The following SEC23B variants were observed in gnomAD, a reference collection of about 807,000 sequenced individuals.
SEC23B encodes protein transport protein Sec23B.
Under a neutral mutation model 104.3 loss-of-function variants are expected in SEC23B, and 77 were observed. The ratio of observed to expected loss-of-function variants is 0.74; its 90% CI spans 0.61 to 0.89. The LOEUF (loss-of-function observed/expected upper bound fraction) is 0.89, where lower values mean the gene tolerates loss of function less well. SEC23B is among the 40% of genes least tolerant of loss of function. SEC23B has a pLI of 0.00. For synonymous variants in SEC23B, 338 were observed against 332.5 expected (o/e 1.02, Z -0.18); for missense variants, 885 against 949.4 (o/e 0.93, Z 0.89).
rs1555787279 is a variant in SEC23B at position 18,518,583 on chromosome 20, T to TTTTTTG, written c.366+2852_366+2853insGTTTTT. ...ATGGGCCTGTGAGGCTGGAAGGAGG[T>TTTTTTG]TTTTTTTTTTTTTTTTTTTTTTGTC... is the stretch of plus-strand genomic sequence containing the variant. On this transcript the variant is annotated intron_variant, in intron 4 of 19. Coordinates refer to ENST00000650089, the MANE Select transcript of SEC23B (RefSeq NM_006363.6). Among the ~76,000 whole-genome samples, 7 of 10,850 alleles carry TTTTTTG rather than the reference T, an allele frequency of 6.5e-4. 1 individual carries two copies. Among genetic ancestry groups the TTTTTTG allele is most frequent in the South Asian group, 4.5e-3 (1 of 220 alleles). The allele number at this position is 10,850 out of a possible 152,430, so 7.1% of individuals were successfully genotyped here. A position where few individuals can be genotyped will look rare whatever the true frequency, so the allele number is the denominator to read the frequency against.
At chr20:18,535,109 T>A (rs113323607) in intron 11 of SEC23B, among the ~76,000 whole-genome samples, 2 of 152,298 alleles carry the variant, frequency 1.3e-5, no homozygotes, top group African/African-American at 4.8e-5. Flanking sequence ...GATTTCACCT[T>A]AAGGGTCTTT....
chr20:18,517,025 A>G (rs6136397), intron 4 of SEC23B, among the ~76,000 whole-genome samples: 18,969 of 152,290 alleles, frequency 0.12, 1,287 homozygotes, highest in Admixed American at 0.18. Flanking sequence ...GAACATGAGC[A>G]TGCTCAAAAG....
rs1568619706 is a variant in SEC23B, at chr20:18,545,949, TC to T, written c.1666-5del. ...TTTGTTTGTTTTTTGGTATTTTCTT[TC>T]CATAGTGTCAAAAGTTTGGACAGTA... On this transcript the variant is annotated splice_region_variant and splice_polypyrimidine_tract_variant and intron_variant, in intron 14 of 19. Coordinates refer to ENST00000650089, the MANE Select transcript of SEC23B (RefSeq NM_006363.6). 1 of 1,523,120 alleles carries T rather than the reference TC, an allele frequency of 6.6e-7. No individual in the cohort carries two copies. The highest frequency in any genetic ancestry group is 9.1e-7 in the Non-Finnish European group (1 of 1,097,190). The allele number at this position is 1,523,120 out of a possible 1,614,324, so 94.4% of individuals were successfully genotyped here. A position where few individuals can be genotyped will look rare whatever the true frequency, so the allele number is the denominator to read the frequency against.
At position 18,551,008 on chromosome 20, in the gene SEC23B, T is replaced by C. The variant is rs961369555; in HGVS notation, c.1906-81T>C. ...TAGCCTTTGCTGTGGATACCAGGCA[T>C]GGGATCAGGGTCGGGTGGAAGTGGT... On this transcript the variant is annotated intron_variant, in intron 16 of 19. Transcript: ENST00000650089. The C allele has an allele frequency of 9.4e-6, 8 of 854,280 alleles. No homozygotes were observed. The Admixed American group carries it at 1.2e-4, about 13-fold the overall frequency. 52.9% of individuals were successfully genotyped at this position (854,280 alleles called of 1,614,324 possible). A position where few individuals can be genotyped will look rare whatever the true frequency, so the allele number is the denominator to read the frequency against.
Position 18,543,058 on chromosome 20 carries a change from A to T in SEC23B, c.1551A>T (p.Ala517=), listed in dbSNP as rs1425625064. Residue 517 remains alanine (A), a synonymous_variant, in exon 14 of 20, where the codon GCA becomes GCT. Coordinates refer to ENST00000650089, the MANE Select transcript of SEC23B (RefSeq NM_006363.6). ...AGAGTCAGCTCAGGCACATAGAAGC[A>T]GCATTTGACCAGGAGGCTGCGGCAG... ...DVQSQLRHIE[A]AFDQEAAAVL... 4 of 1,614,078 alleles carry T rather than the reference A, an allele frequency of 2.5e-6. No homozygotes were observed. The highest frequency in any genetic ancestry group is 1.3e-5 in the African/African-American group (1 of 74,926).
At chr20:18,527,710 A>C in intron 9 of SEC23B, 99 bp downstream of exon 9, 1 of 834,208 alleles carries the variant, frequency 1.2e-6, no homozygotes, top group Non-Finnish European at 2.1e-6. Flanking sequence ...CAACTCAGAG[A>C]AGCTTTCAGG....
chr20:18,554,279 G>A lies in SEC23B; in HGVS notation c.2037G>A (p.Glu679=). 2 of 1,614,176 alleles carry A rather than the reference G, an allele frequency of 1.2e-6. No individual in the cohort carries two copies. Among genetic ancestry groups the A allele is most frequent in the South Asian group, 2.2e-5 (2 of 91,074 alleles). ...WRKAGYQDMP[E]YENFKHLLQA... ...AAGCTGGCTACCAGGACATGCCCGA[G>A]TATGAAAACTTCAAGCACCTTCTGC... The change falls in exon 18 of 20, where the codon GAG becomes GAA. Residue 679 remains glutamate, a synonymous_variant. Coordinates refer to ENST00000650089, the MANE Select transcript of SEC23B (RefSeq NM_006363.6).
intron 10 of SEC23B, among the ~76,000 whole-genome samples, chr20:18,531,796 T>C (rs2060190572): frequency 6.6e-6 from 1 of 151,724 alleles, no homozygotes; most frequent in African/African-American, 2.4e-5. Flanking sequence ...ATGTCTGTAA[T>C]CCCAGCACTT....
chr20:18,514,612 A>G (rs2060008889), intron 3 of SEC23B, among the ~76,000 whole-genome samples: 3 of 152,382 alleles, frequency 2.0e-5, no homozygotes, highest in South Asian at 4.1e-4. Context: ...GCTAAAGACT[A>G]TTTGGATTAT....
rs550672392 is a variant in SEC23B at position 18,555,311 on chromosome 20, G to A, written c.2214+138G>A. On this transcript the variant is annotated intron_variant, in intron 19 of 19. Coordinates refer to ENST00000650089, the MANE Select transcript of SEC23B (RefSeq NM_006363.6). ...GTTGGGTATTTTGCTGGGGAGTGGC[G>A]GGGAGGGAAACAAGTTGAATAACAT... is the stretch of plus-strand genomic sequence containing the variant. 8.6e-5 allele frequency: 63 copies of A among 735,124 alleles called. No homozygotes were observed. The Admixed American group carries it at 9.2e-4, about 11-fold the overall frequency. 45.5% of individuals were successfully genotyped at this position (735,124 alleles called of 1,614,324 possible). A position where few individuals can be genotyped will look rare whatever the true frequency, so the allele number is the denominator to read the frequency against.
At chr20:18,517,844 A>C (rs1289459695) in intron 4 of SEC23B, among the ~76,000 whole-genome samples, 1 of 152,250 alleles carries the variant, frequency 6.6e-6, no homozygotes, top group Non-Finnish European at 1.5e-5. Flanking sequence ...GAAAGACACA[A>C]GGTCCAAATA....
At chr20:18,522,261 G>T (rs1287479296) in intron 4 of SEC23B, among the ~76,000 whole-genome samples, 1 of 152,164 alleles carries the variant, frequency 6.6e-6, no homozygotes, top group Admixed American at 6.5e-5. Flanking sequence ...ACCAAGGCAG[G>T]CATCCCTGCA....
At position 18,530,686 on chromosome 20, in the gene SEC23B, C is replaced by T. The variant is rs2060176512; in HGVS notation, c.1116C>T (p.Tyr372=). ...TTTTTTTCTTCTTACCTAGAGGCTA[C>T]ATGGTAATGGGAGATTCTTTCAACA... The part of the protein sequence containing the change: ...MKCCANLTGG[Y]MVMGDSFNTS... The change falls in exon 10 of 20, where the codon TAC becomes TAT. Residue 372 remains tyrosine, a synonymous_variant. Transcript: ENST00000650089. The T allele has an allele frequency of 6.2e-7, 1 of 1,612,326 alleles. No individual in the cohort carries two copies. Among genetic ancestry groups the T allele is most frequent in the Non-Finnish European group, 8.5e-7 (1 of 1,178,508 alleles).
At chr20:18,532,116 A>G (rs2148905330) in intron 10 of SEC23B, among the ~76,000 whole-genome samples, 1 of 152,324 alleles carries the variant, frequency 6.6e-6, no homozygotes, top group South Asian at 2.1e-4. Flanking sequence ...AGAATTAGAG[A>G]TAATTATTAA....
In SEC23B at chr20:18,519,351, A is replaced by G. The variant is rs147881693; in HGVS notation, c.366+3615A>G. Among the ~76,000 whole-genome samples the G allele has an allele frequency of 8.5e-3, 1,292 of 152,294 alleles. 8 individuals are homozygous for G. Among genetic ancestry groups the G allele is most frequent in the Non-Finnish European group, 0.012 (785 of 68,026 alleles). On this transcript the variant is annotated intron_variant, in intron 4 of 19. Coordinates refer to ENST00000650089, the MANE Select transcript of SEC23B (RefSeq NM_006363.6). ...ACAGCTGAAGGAGCCGGGGAGCAGAAAGTATATGTGTCAGGTGTGAGGAAG... is the reference window on the plus strand; with the variant it reads ...ACAGCTGAAGGAGCCGGGGAGCAGAGAGTATATGTGTCAGGTGTGAGGAAG...
chr20:18,524,926 T>G lies in SEC23B; in HGVS notation c.604-9T>G, dbSNP rs776105859. 1.9e-6 allele frequency: 3 copies of G among 1,613,826 alleles called. No individual in the cohort carries two copies. Among genetic ancestry groups the G allele is most frequent in the Non-Finnish European group, 1.7e-6 (2 of 1,179,864 alleles). On this transcript the variant is annotated splice_polypyrimidine_tract_variant and intron_variant, in intron 5 of 19. Transcript: ENST00000650089. ...GGAAATGAATCTTTTTGGCTTTTTT[T>G]TTTTTAAGGATATGTTGGGCCTGAC... is the stretch of plus-strand genomic sequence containing the variant.
chr20:18,539,397 C>T (rs2060267053), intron 12 of SEC23B, among the ~76,000 whole-genome samples: 1 of 147,366 alleles, frequency 6.8e-6, no homozygotes, highest in Admixed American at 6.9e-5. Flanking sequence ...ATAGTCCCAG[C>T]TACTTGGGAG....
In SEC23B at chr20:18,524,462, C is replaced by G. The variant is rs2060115539; in HGVS notation, c.396C>G (p.Leu132=). The G allele has an allele frequency of 6.2e-7, 1 of 1,614,172 alleles. No homozygotes were observed. The highest frequency in any genetic ancestry group is 8.5e-7 in the Non-Finnish European group (1 of 1,180,012). The change falls in exon 5 of 20, where the codon CTC becomes CTG. Residue 132 remains leucine, a synonymous_variant. Transcript: ENST00000650089. ...QRGAQSPLIF[L]YVVDTCLEED... is the part of the protein sequence containing the mutation. Reference sequence around the variant, plus strand: ...GTGCTCAGTCCCCTCTGATCTTTCTCTATGTGGTTGACACATGCCTGGAGG... The same window carrying G: ...GTGCTCAGTCCCCTCTGATCTTTCTGTATGTGGTTGACACATGCCTGGAGG...
At chr20:18,533,322 G>T (rs1309735352) in intron 11 of SEC23B, among the ~76,000 whole-genome samples, 2 of 152,114 alleles carry the variant, frequency 1.3e-5, no homozygotes, top group Non-Finnish European at 2.9e-5. Flanking sequence ...TACTTTACTT[G>T]CTAGGAGGCA....
Sources: allele counts gnomAD v4.1 joint callset (sites outside exome capture counted in the v4.1 genomes callset), GRCh38; gene constraint gnomAD v4.1.1; transcripts MANE v1.5; gene names NCBI Gene and HGNC (gene_info 2026-07-23, HGNC 2026-07-21).